Variants in PGBD5 observed in about 807,000 individuals in gnomAD.
The protein encoded by PGBD5 is piggyBac transposable element derived 5.
PGBD5 carries 14 observed loss-of-function variants against 47.9 expected under a neutral mutation model. The ratio of observed to expected loss-of-function variants is 0.29; its 90% CI spans 0.19 to 0.46. The LOEUF is 0.46. PGBD5 is among the 20% of genes least tolerant of loss of function. The probability of loss-of-function intolerance (pLI) is 1.00; values close to 1 mark genes in which losing one functional copy is unlikely to be tolerated. For synonymous variants in PGBD5, 316 were observed against 306.3 expected, an observed-to-expected ratio of 1.03 and a Z score of -0.33; for missense variants, 635 against 716.0, an observed-to-expected ratio of 0.89 and a Z score of 1.29.
At chr1:230,375,440 AC>A (rs1667996548) in intron 1 of PGBD5, among the ~76,000 whole-genome samples, 1 of 151,978 alleles carries the variant, frequency 6.6e-6, no homozygotes, top group South Asian at 2.1e-4. Context: ...CAAGGAAGTC[AC>A]CCCCTCCTGC....
At chr1:230,362,865 G>A (rs1473271899) in intron 1 of PGBD5, among the ~76,000 whole-genome samples, 2 of 152,122 alleles carry the variant, frequency 1.3e-5, no homozygotes, top group African/African-American at 4.8e-5. Context: ...CTGTGCTAAT[G>A]CCTGGTGACA....
At position 230,317,702 on chromosome 1, in the gene PGBD5, G is replaced by A. The variant is rs972799401; in HGVS notation, c.*5723C>T. ...TCCACCTGAGGGAGCCAGGAGGCTT[G>A]ACACGTGAGGGAAGCCGCACACACT... On this transcript the variant is annotated 3_prime_UTR_variant, in exon 7 of 7. Transcript: ENST00000391860. 2 of 152,172 alleles carry A rather than the reference G, an allele frequency of 1.3e-5. No homozygotes were observed. The highest frequency in any genetic ancestry group is 4.8e-5 in the African/African-American group (2 of 41,424). 9.4% of individuals were successfully genotyped at this position (152,172 alleles called of 1,614,324 possible).
At chr1:230,414,223 G>C (rs563261567) in intron 1 of PGBD5, among the ~76,000 whole-genome samples, 1 of 152,236 alleles carries the variant, frequency 6.6e-6, no homozygotes, top group South Asian at 2.1e-4. Flanking sequence ...CAATCTAGAG[G>C]CAGAGCTGGG....
In PGBD5 at chr1:230,357,186, T is replaced by C; in HGVS notation, c.467A>G (p.Asp156Gly). ...CAGCGTCACCTCCACCCAGGCTCCG[T>C]CGCTCCCAAACCGCTCCTGGAACTT... Reference protein sequence around the residue: ...AKKFQERFGSDGAWVEVTLTE... With the variant: ...AKKFQERFGSGGAWVEVTLTE... The change falls in exon 2 of 7, where the codon GAC (aspartate) becomes GGC (glycine). Residue 156 changes from aspartate (D) to glycine (G), a missense_variant. Transcript: ENST00000391860. The surrounding 1 kb of genome is among the most constrained non-coding windows in gnomAD (Gnocchi z 5.7). 1.2e-6 allele frequency: 2 copies of C among 1,614,086 alleles called. No individual in the cohort carries two copies. Among genetic ancestry groups the C allele is most frequent in the South Asian group, 1.1e-5 (1 of 91,078 alleles).
intron 1 of PGBD5, among the ~76,000 whole-genome samples, chr1:230,410,894 C>A (rs941076299): frequency 6.6e-6 from 1 of 152,070 alleles, no homozygotes; most frequent in Non-Finnish European, 1.5e-5. Flanking sequence ...AATAGAAAAA[C>A]CCCTCAAATG....
At chr1:230,376,337 T>C (rs1668015443) in intron 1 of PGBD5, among the ~76,000 whole-genome samples, 1 of 152,114 alleles carries the variant, frequency 6.6e-6, no homozygotes, top group Non-Finnish European at 1.5e-5. Context: ...CCGCCTGACC[T>C]GCTGTATCCA....
chr1:230,375,204 A>C (rs79449378), intron 1 of PGBD5, among the ~76,000 whole-genome samples: 3,060 of 152,318 alleles, frequency 0.02, 129 homozygotes, highest in African/African-American at 0.07. Flanking sequence ...GGCTGAAAAA[A>C]ATAAAAGAAT....
chr1:230,393,840 A>T (rs1484449794), intron 1 of PGBD5, among the ~76,000 whole-genome samples: 20 of 149,896 alleles, frequency 1.3e-4, no homozygotes, highest in Admixed American at 4.6e-4. Context: ...AAAAAAAAAA[A>T]AAAATAATAG....
intron 5 of PGBD5, 99 bp downstream of exon 5, chr1:230,332,745 C>G: frequency 7.2e-7 from 1 of 1,393,804 alleles, no homozygotes; most frequent in Admixed American, 1.7e-5. Context: ...CAGAGCAGCA[C>G]AGCCCACAGT....
chr1:230,346,817 G>A (rs749089563), intron 3 of PGBD5, among the ~76,000 whole-genome samples: 2 of 152,012 alleles, frequency 1.3e-5, no homozygotes, highest in East Asian at 1.9e-4. Context: ...ACGCTATGTC[G>A]ATGAATATTT....
At chr1:230,373,418 G>C (rs1295678198) in intron 1 of PGBD5, among the ~76,000 whole-genome samples, 1 of 152,168 alleles carries the variant, frequency 6.6e-6, no homozygotes, top group Non-Finnish European at 1.5e-5. Flanking sequence ...GCCTGTGACT[G>C]CTGAGCGATA....
At chr1:230,398,397 C>T (rs1358945180) in intron 1 of PGBD5, among the ~76,000 whole-genome samples, 1 of 144,288 alleles carries the variant, frequency 6.9e-6, no homozygotes, top group Non-Finnish European at 1.5e-5. Flanking sequence ...TGTCTGTGTC[C>T]TCCTCTCTTC....
At chr1:230,367,993 G>A in intron 1 of PGBD5, 1 of 1,367,868 alleles carries the variant, frequency 7.3e-7, no homozygotes, top group Non-Finnish European at 9.8e-7. Context: ...CCAAGGAGCT[G>A]GGGGTTCTCT....
intron 3 of PGBD5, among the ~76,000 whole-genome samples, chr1:230,345,967 G>A (rs1223415705): frequency 1.3e-5 from 2 of 151,960 alleles, no homozygotes; most frequent in Non-Finnish European, 1.5e-5. Context: ...AGTGGTCTCC[G>A]TCCTCAGCCT....
At chr1:230,384,910 G>A (rs1656598067) in intron 1 of PGBD5, among the ~76,000 whole-genome samples, 1 of 152,204 alleles carries the variant, frequency 6.6e-6, no homozygotes, top group Admixed American at 6.5e-5. Flanking sequence ...CTTCTTAGCT[G>A]CTGTGTTCAC....
intron 1 of PGBD5, among the ~76,000 whole-genome samples, chr1:230,402,362 T>C (rs542208958): frequency 6.6e-6 from 1 of 152,222 alleles, no homozygotes. Flanking sequence ...CTTCTCCAGA[T>C]AGAAAGTGAG....
At chr1:230,422,695 G>A (rs1343011197) in intron 1 of PGBD5, among the ~76,000 whole-genome samples, 2 of 152,172 alleles carry the variant, frequency 1.3e-5, no homozygotes, top group South Asian at 4.1e-4. Flanking sequence ...ACTACTGGCC[G>A]CACTTCCGGA....
At chr1:230,367,651 C>T (rs2087192) in intron 1 of PGBD5, among the ~76,000 whole-genome samples, 4,103 of 152,288 alleles carry the variant, frequency 0.027, 178 homozygotes, top group African/African-American at 0.092. Flanking sequence ...TGAACCACGA[C>T]TGCGTCACTG....
chr1:230,328,998 T>C (rs1432687038), intron 5 of PGBD5, among the ~76,000 whole-genome samples: 1 of 152,032 alleles, frequency 6.6e-6, no homozygotes, highest in East Asian at 1.9e-4. Flanking sequence ...AGTGTCACGA[T>C]CTTGGCTCAC....
Sources: allele counts gnomAD v4.1 joint callset (sites outside exome capture counted in the v4.1 genomes callset), GRCh38; gene constraint gnomAD v4.1.1; non-coding constraint Gnocchi (gnomAD v3.1); transcripts MANE v1.5; gene names NCBI Gene and HGNC (gene_info 2026-07-23, HGNC 2026-07-21).